Variants in GRIA4 observed in about 807,000 individuals in gnomAD.
GRIA4 encodes glutamate receptor 4.
A neutral mutation model predicts 104.0 loss-of-function variants in GRIA4; 34 were observed. That is an observed-to-expected ratio of 0.33 (90% CI 0.25 to 0.44). The LOEUF (loss-of-function observed/expected upper bound fraction) is 0.44, where lower values mean the gene tolerates loss of function less well. Ranked by LOEUF, GRIA4 falls within the 20% of genes least tolerant of loss-of-function variation. The pLI is 1.00. For synonymous variants in GRIA4, 386 were observed against 381.9 expected (o/e 1.01, Z -0.13); for missense variants, 750 against 1,096.5 (o/e 0.68, Z 4.46).
chr11:105,680,168 T>C (rs1335619022), intron 3 of GRIA4, among the ~76,000 whole-genome samples: 1 of 152,074 alleles, frequency 6.6e-6, no homozygotes, highest in East Asian at 1.9e-4. Flanking sequence ...GGTAGTTGCA[T>C]CCCTCCTTTT....
At chr11:105,723,514 A>G (rs1463880153) in intron 3 of GRIA4, among the ~76,000 whole-genome samples, 1 of 152,120 alleles carries the variant, frequency 6.6e-6, no homozygotes, top group Non-Finnish European at 1.5e-5. Flanking sequence ...TTGGAGAGTT[A>G]GGATGTCTAA....
intron 4 of GRIA4, among the ~76,000 whole-genome samples, chr11:105,815,614 T>G (rs1943345389): frequency 6.6e-6 from 1 of 151,946 alleles, no homozygotes; most frequent in East Asian, 1.9e-4. Flanking sequence ...GAAAGCTGAG[T>G]GCAAAACTTT....
chr11:105,774,922 A>G (rs10791774), intron 4 of GRIA4, among the ~76,000 whole-genome samples: 68,955 of 151,986 alleles, frequency 0.45, 16,054 homozygotes, highest in Middle Eastern at 0.52. Flanking sequence ...GACTTACAAC[A>G]GCACACATTT....
At position 105,981,245 on chromosome 11, in the gene GRIA4, T is replaced by C. The variant is rs1859238570; in HGVS notation, c.*1506T>C. On this transcript the variant is annotated 3_prime_UTR_variant, in exon 17 of 17. Transcript: ENST00000282499. ...AGTACTCTAATACAGATAAAAATCA[T>C]GTACTTAGGGTATTGGCAGAAAGCA... The C allele has an allele frequency of 6.6e-6, 1 of 152,598 alleles. No individual in the cohort carries two copies. The highest frequency in any genetic ancestry group is 2.1e-4 in the South Asian group (1 of 4,830). The allele number at this position is 152,598 out of a possible 1,614,324, so 9.5% of individuals were successfully genotyped here.
At chr11:105,871,689 A>T (rs1156621820) in intron 5 of GRIA4, among the ~76,000 whole-genome samples, 1 of 151,928 alleles carries the variant, frequency 6.6e-6, no homozygotes, top group Non-Finnish European at 1.5e-5. Flanking sequence ...TGTGAAAAAA[A>T]AATCTGCTGA....
At chr11:105,697,328 A>G (rs1328906970) in intron 3 of GRIA4, among the ~76,000 whole-genome samples, 3 of 152,186 alleles carry the variant, frequency 2.0e-5, no homozygotes, top group African/African-American at 4.8e-5. Context: ...AAATGCATGT[A>G]CAAGTGTATA....
At chr11:105,977,885 A>T (rs1037977371) in intron 16 of GRIA4, among the ~76,000 whole-genome samples, 1 of 152,034 alleles carries the variant, frequency 6.6e-6, no homozygotes, top group Admixed American at 6.5e-5. Context: ...CCTTGGTGAA[A>T]TTATTCTATA....
chr11:105,681,740 T>C (rs747186605), intron 3 of GRIA4, among the ~76,000 whole-genome samples: 1 of 152,188 alleles, frequency 6.6e-6, no homozygotes, highest in Non-Finnish European at 1.5e-5. Context: ...CTGAGTTAAA[T>C]AAAATATTTG....
intron 14 of GRIA4, among the ~76,000 whole-genome samples, chr11:105,965,143 A>G (rs557930933): frequency 3.9e-5 from 6 of 152,062 alleles, no homozygotes; most frequent in African/African-American, 1.4e-4. Flanking sequence ...AAGAATAGCC[A>G]AAATAAGCTC....
intron 4 of GRIA4, among the ~76,000 whole-genome samples, chr11:105,817,855 C>T (rs1398586954): frequency 2.6e-5 from 4 of 151,928 alleles, no homozygotes; most frequent in Non-Finnish European, 5.9e-5. Context: ...TCTGTAAGCA[C>T]GATGAAAAAC....
At chr11:105,904,031 A>G in intron 8 of GRIA4, 50 bp downstream of exon 8, 1 of 1,289,370 alleles carries the variant, frequency 7.8e-7, no homozygotes, top group South Asian at 1.3e-5. Context: ...TCTTGTTTTA[A>G]CTGAATGTTC....
At position 105,980,035 on chromosome 11, in the gene GRIA4, G is replaced by A. The variant is rs1040019685; in HGVS notation, c.*296G>A. 1.4e-5 allele frequency: 4 copies of A among 283,718 alleles called. No homozygotes were observed. The South Asian group carries it at 2.2e-4, about 15-fold the overall frequency. 17.6% of individuals were successfully genotyped at this position (283,718 alleles called of 1,614,324 possible). A position where few individuals can be genotyped will look rare whatever the true frequency, so the allele number is the denominator to read the frequency against. Reference sequence around the variant, plus strand: ...AACAGCAACAAATTTCATTCGAGTGGACTCAAAAACTAATCAGACTTATGA... The same window carrying A: ...AACAGCAACAAATTTCATTCGAGTGAACTCAAAAACTAATCAGACTTATGA... On this transcript the variant is annotated 3_prime_UTR_variant, in exon 17 of 17. Coordinates refer to ENST00000282499, the MANE Select transcript of GRIA4 (RefSeq NM_000829.4).
At chr11:105,967,018 A>G (rs543504509) in intron 14 of GRIA4, among the ~76,000 whole-genome samples, 1 of 152,318 alleles carries the variant, frequency 6.6e-6, no homozygotes, top group South Asian at 2.1e-4. Context: ...GATAGTTTTC[A>G]TAAACATATA....
At chr11:105,891,715 G>A (rs1396016713) in intron 6 of GRIA4, among the ~76,000 whole-genome samples, 1 of 152,114 alleles carries the variant, frequency 6.6e-6, no homozygotes, top group East Asian at 1.9e-4. Context: ...ACTACCCTGT[G>A]TACTCATAGT....
intron 3 of GRIA4, among the ~76,000 whole-genome samples, chr11:105,621,316 GA>G: frequency 6.6e-6 from 1 of 150,554 alleles, no homozygotes; most frequent in South Asian, 2.1e-4. Context: ...TAAAAAGTTA[GA>G]ATATTCCTTA....
intron 14 of GRIA4, among the ~76,000 whole-genome samples, chr11:105,969,197 T>C (rs901492362): frequency 6.6e-6 from 1 of 152,142 alleles, no homozygotes; most frequent in Non-Finnish European, 1.5e-5. Context: ...TACTTACAAA[T>C]AAGCCACTTT....
At chr11:105,948,819 T>G (rs1261865645) in intron 14 of GRIA4, among the ~76,000 whole-genome samples, 2 of 151,882 alleles carry the variant, frequency 1.3e-5, no homozygotes, top group African/African-American at 4.8e-5. Context: ...TCTCGATCTC[T>G]TGACCTCATG....
intron 4 of GRIA4, among the ~76,000 whole-genome samples, chr11:105,828,253 A>G (rs1020326187): frequency 2.6e-5 from 4 of 152,018 alleles, no homozygotes; most frequent in Non-Finnish European, 5.9e-5. Flanking sequence ...GGGCGTTTGT[A>G]GAGGGAAAAT....
At chr11:105,887,870 T>C (rs1946322081) in intron 6 of GRIA4, among the ~76,000 whole-genome samples, 1 of 152,212 alleles carries the variant, frequency 6.6e-6, no homozygotes. Flanking sequence ...AATGCTACTT[T>C]ATAGACAAAG....
Sources: allele counts gnomAD v4.1 joint callset (sites outside exome capture counted in the v4.1 genomes callset), GRCh38; gene constraint gnomAD v4.1.1; transcripts MANE v1.5; gene names NCBI Gene and HGNC (gene_info 2026-07-23, HGNC 2026-07-21).